The following NOL4 variants were observed in gnomAD, a reference collection of about 807,000 sequenced individuals.
NOL4 encodes cancer/testis antigen 125.
Under a neutral mutation model 75.9 loss-of-function variants are expected in NOL4, and 17 were observed. That is an observed-to-expected ratio of 0.22 (90% confidence interval 0.15 to 0.34). The LOEUF is 0.34. Ranked by LOEUF, NOL4 falls within the 10% of genes least tolerant of loss-of-function variation. NOL4 has a pLI of 1.00. For missense variants in NOL4, 614 were observed against 793.5 expected (o/e 0.77, Z 2.72); for synonymous variants, 292 against 289.9 (o/e 1.01, Z -0.07).
chr18:34,195,962 T>A (rs868256725), intron 1 of NOL4, among the ~76,000 whole-genome samples: 3 of 152,146 alleles, frequency 2.0e-5, no homozygotes, highest in African/African-American at 7.2e-5. Context: ...CTTTCTTACT[T>A]TAACAATTTA....
intron 9 of NOL4, among the ~76,000 whole-genome samples, chr18:33,923,574 A>G (rs1200994107): frequency 6.6e-6 from 1 of 152,132 alleles, no homozygotes; most frequent in Non-Finnish European, 1.5e-5. Flanking sequence ...AAATAGAGGT[A>G]ATATTTAAAA....
chr18:33,872,530 GAA>G (rs2063748583), intron 10 of NOL4, among the ~76,000 whole-genome samples: 1 of 152,002 alleles, frequency 6.6e-6, no homozygotes, highest in South Asian at 2.1e-4. Flanking sequence ...AATAGACATA[GAA>G]AAGGTATTCT....
At chr18:34,117,982 C>T (rs2079941140) in intron 2 of NOL4, among the ~76,000 whole-genome samples, 1 of 152,164 alleles carries the variant, frequency 6.6e-6, no homozygotes, top group African/African-American at 2.4e-5. Context: ...AACCTAAATT[C>T]ACTAGTGTAA....
intron 6 of NOL4, among the ~76,000 whole-genome samples, chr18:33,996,038 T>G (rs1273562893): frequency 6.6e-6 from 1 of 151,874 alleles, no homozygotes; most frequent in Non-Finnish European, 1.5e-5. Flanking sequence ...CTTGAAATAG[T>G]ATCTACTTCA....
chr18:34,017,536 C>T (rs527862636), intron 6 of NOL4, among the ~76,000 whole-genome samples: 54 of 152,108 alleles, frequency 3.6e-4, no homozygotes, highest in African/African-American at 1.1e-3. Flanking sequence ...GTACTCCTGC[C>T]GTTTATATCT....
intron 10 of NOL4, among the ~76,000 whole-genome samples, chr18:33,861,831 A>G (rs528060625): frequency 6.6e-6 from 1 of 152,248 alleles, no homozygotes; most frequent in African/African-American, 2.4e-5. Context: ...TATCATGAAA[A>G]TGGCCATACT....
At chr18:33,922,485 A>G (rs914176269) in intron 9 of NOL4, among the ~76,000 whole-genome samples, 2 of 152,156 alleles carry the variant, frequency 1.3e-5, no homozygotes, top group African/African-American at 4.8e-5. Flanking sequence ...CAGATTTCCC[A>G]TTTCTAAATG....
At chr18:33,938,629 T>A (rs1296025901) in intron 9 of NOL4, among the ~76,000 whole-genome samples, 2 of 152,004 alleles carry the variant, frequency 1.3e-5, no homozygotes, top group Non-Finnish European at 2.9e-5. Flanking sequence ...GATGAGGTTG[T>A]TTTTTCTCGT....
chr18:34,044,466 CAG>C (rs2076275842), intron 5 of NOL4, among the ~76,000 whole-genome samples: 1 of 151,356 alleles, frequency 6.6e-6, no homozygotes, highest in Admixed American at 6.6e-5. Flanking sequence ...TTAGAACTGT[CAG>C]ACTCCAGTAA....
At chr18:33,899,933 C>A (rs943274922) in intron 9 of NOL4, among the ~76,000 whole-genome samples, 2 of 152,036 alleles carry the variant, frequency 1.3e-5, no homozygotes, top group Non-Finnish European at 2.9e-5. Context: ...TATTATGGCC[C>A]ATTTCTGTGT....
At chr18:34,004,933 C>G (rs1029013981) in intron 6 of NOL4, among the ~76,000 whole-genome samples, 25 of 151,994 alleles carry the variant, frequency 1.6e-4, no homozygotes, top group South Asian at 2.1e-4. Context: ...TTTCTTGATG[C>G]CTTGGGAGTG....
At chr18:34,138,955 T>G (rs981282752) in intron 1 of NOL4, among the ~76,000 whole-genome samples, 56 of 152,194 alleles carry the variant, frequency 3.7e-4, no homozygotes, top group Non-Finnish European at 7.2e-4. Flanking sequence ...TTGTCTTTGG[T>G]TCTGTTTATA....
rs1380573936 is a variant in NOL4 at position 33,953,169 on chromosome 18, C to T, written c.1428+4157G>A. Among the ~76,000 whole-genome samples the T allele has an allele frequency of 5.5e-5, 7 of 127,968 alleles. No homozygotes were observed. In the South Asian group the frequency reaches 6.8e-4, roughly 13 times the overall value. 84.0% of individuals were successfully genotyped at this position (127,968 alleles called of 152,430 possible). ...GTAAGTGTGTCTGAAAATTGTCTAA[C>T]GAGATGTTAGAAGAAAAGCGTTTTA... On this transcript the variant is annotated intron_variant, in intron 8 of 10. Transcript: ENST00000261592.
chr18:34,221,104 A>G (rs1194422875), intron 1 of NOL4: 2 of 152,194 alleles, frequency 1.3e-5, no homozygotes, highest in Non-Finnish European at 2.9e-5. Flanking sequence ...TAGTGGGTGT[A>G]GTCAAATCCA....
intron 8 of NOL4, among the ~76,000 whole-genome samples, chr18:33,943,897 A>G (rs540061026): frequency 6.6e-6 from 1 of 152,042 alleles, no homozygotes; most frequent in South Asian, 2.1e-4. Flanking sequence ...AACTAAGCTC[A>G]TGATTAACTG....
intron 5 of NOL4, among the ~76,000 whole-genome samples, chr18:34,054,787 T>C (rs2076765900): frequency 6.6e-6 from 1 of 151,834 alleles, no homozygotes; most frequent in Admixed American, 6.6e-5. Flanking sequence ...TTACTTCTCC[T>C]TTCCTCTCTT....
intron 1 of NOL4, among the ~76,000 whole-genome samples, chr18:34,163,186 A>G (rs2146194760): frequency 6.6e-6 from 1 of 152,336 alleles, no homozygotes; most frequent in East Asian, 1.9e-4. Context: ...GGCACAAGAC[A>G]GGGATGCCCT....
At chr18:34,137,890 T>C (rs1268049430) in intron 1 of NOL4, among the ~76,000 whole-genome samples, 1 of 151,932 alleles carries the variant, frequency 6.6e-6, no homozygotes, top group East Asian at 1.9e-4. Context: ...AGCATATGTG[T>C]AATATCCAAA....
chr18:34,107,190 C>A (rs1267747844), intron 2 of NOL4, among the ~76,000 whole-genome samples: 2 of 152,204 alleles, frequency 1.3e-5, no homozygotes, highest in South Asian at 4.1e-4. Flanking sequence ...AATCCTATGA[C>A]TTGTCTAGCA....
Sources: gnomAD v4.1 joint callset for allele counts (sites outside exome capture counted in the v4.1 genomes callset) on GRCh38, gnomAD v4.1.1 for gene constraint, MANE v1.5 for transcripts, NCBI Gene and HGNC (gene_info 2026-07-23, HGNC 2026-07-21) for gene names.